Variants in ENPP1 observed in about 807,000 individuals in gnomAD.
ENPP1 encodes the protein ectonucleotide pyrophosphatase/phosphodiesterase family member 1.
ENPP1 carries 73 observed loss-of-function variants against 122.8 expected under a neutral mutation model. That is an observed-to-expected ratio of 0.59 (90% CI 0.49 to 0.72). The LOEUF is 0.72. Among genes scored for constraint, ENPP1 ranks in the 30% least tolerant of loss-of-function variants. The probability of loss-of-function intolerance (pLI) is 0.00; values close to 1 mark genes in which losing one functional copy is unlikely to be tolerated. For missense variants in ENPP1, 978 were observed against 1,128.1 expected (o/e 0.87, Z 1.91); for synonymous variants, 367 against 391.6 (o/e 0.94, Z 0.74).
At chr6:131,817,598 G>T in intron 1 of ENPP1, among the ~76,000 whole-genome samples, 1 of 152,178 alleles carries the variant, frequency 6.6e-6, no homozygotes, top group South Asian at 2.1e-4. Context: ...AAGTGATTTT[G>T]GGATGTGTGG....
At chr6:131,861,783 GAGCTTT>G in intron 9 of ENPP1, 79 bp downstream of exon 9, 1 of 837,332 alleles carries the variant, frequency 1.2e-6, no homozygotes. Flanking sequence ...ATTGAATCCT[GAGCTTT>G]AGCATTTGAG....
At chr6:131,877,866 A>AAAAAATATATAT (rs1562183349) in intron 18 of ENPP1, 2 of 53,022 alleles carry the variant, frequency 3.8e-5, no homozygotes, top group African/African-American at 9.3e-5. Context: ...AAAAAAAAAA[A>AAAAAATATATAT]ATATATATAT....
intron 1 of ENPP1, chr6:131,820,671 A>G (rs1336439066): frequency 1.3e-5 from 2 of 152,242 alleles, no homozygotes; most frequent in Admixed American, 6.5e-5. Context: ...CTACCTCATT[A>G]GTCCAAACCA....
chr6:131,847,675 T>C, intron 1 of ENPP1, 101 bp from the exon 2 acceptor site: 1 of 839,634 alleles, frequency 1.2e-6, no homozygotes, highest in Non-Finnish European at 1.9e-6. Context: ...CACTGTACCC[T>C]AGCCTGGGTA....
intron 1 of ENPP1, chr6:131,828,062 G>A (rs1192361501): frequency 4.8e-5 from 31 of 647,370 alleles, no homozygotes; most frequent in East Asian, 3.2e-4. Flanking sequence ...GGGGAAGAAC[G>A]TTGCAAACCA....
At chr6:131,852,569 A>G (rs1348626844) in intron 5 of ENPP1, among the ~76,000 whole-genome samples, 1 of 152,016 alleles carries the variant, frequency 6.6e-6, no homozygotes, top group Non-Finnish European at 1.5e-5. Flanking sequence ...GGGATGCCCA[A>G]CCTGTATTTT....
intron 1 of ENPP1, among the ~76,000 whole-genome samples, chr6:131,833,008 C>T (rs1781632849): frequency 6.6e-6 from 1 of 152,156 alleles, no homozygotes; most frequent in South Asian, 2.1e-4. Flanking sequence ...TTTGCAATTC[C>T]AAACACTGCT....
intron 1 of ENPP1, among the ~76,000 whole-genome samples, chr6:131,844,978 A>G (rs1781787860): frequency 6.6e-6 from 1 of 151,868 alleles, no homozygotes; most frequent in South Asian, 2.1e-4. Context: ...AGATGAGAAG[A>G]AGGTAAGTAC....
At chr6:131,860,562 G>T in intron 8 of ENPP1, 56 bp downstream of exon 8, 1 of 1,359,300 alleles carries the variant, frequency 7.4e-7, no homozygotes, top group Non-Finnish European at 1.0e-6. Context: ...ATTTCAATCA[G>T]AGTAAAATAA....
chr6:131,862,491 C>T (rs1782037127), intron 9 of ENPP1, among the ~76,000 whole-genome samples: 1 of 152,154 alleles, frequency 6.6e-6, no homozygotes, highest in African/African-American at 2.4e-5. Flanking sequence ...TTTATTATTA[C>T]TCAAATCAGT....
chr6:131,823,164 G>T (rs562414066), intron 1 of ENPP1, among the ~76,000 whole-genome samples: 52 of 152,242 alleles, frequency 3.4e-4, no homozygotes, highest in African/African-American at 1.2e-3. Flanking sequence ...GGTAGTAAGT[G>T]CTATGTGTGT....
At chr6:131,819,952 T>TC in intron 1 of ENPP1, 1 of 566,126 alleles carries the variant, frequency 1.8e-6, no homozygotes, top group Non-Finnish European at 3.3e-6. Context: ...TTTTTTTTTT[T>TC]TCGCATCTTG....
intron 13 of ENPP1, among the ~76,000 whole-genome samples, chr6:131,869,854 TAA>T (rs757712283): frequency 0.02 from 2,005 of 99,054 alleles, 60 homozygotes; most frequent in African/African-American, 0.068. Context: ...AGACTTGGTC[TAA>T]AAAAAAAAAA....
intron 9 of ENPP1, among the ~76,000 whole-genome samples, chr6:131,863,654 C>G (rs776174835): frequency 2.0e-5 from 3 of 151,876 alleles, no homozygotes; most frequent in Non-Finnish European, 4.4e-5. Context: ...GTGGCTCACA[C>G]CTGTAATCCC....
chr6:131,875,605 G>T (rs1048051296), intron 16 of ENPP1, among the ~76,000 whole-genome samples, 171 bp from the exon 17 acceptor site: 2 of 152,170 alleles, frequency 1.3e-5, no homozygotes, highest in Non-Finnish European at 2.9e-5. Context: ...CTTAGATTAT[G>T]TGTGTGATAG....
chr6:131,864,465 A>G lies in ENPP1; in HGVS notation c.1026-41A>G, dbSNP rs370337973. ...AAAAACTATATTTTACACCCAAACA[A>G]TTGTCAGCCATCTTTTATTTTTGTT... On this transcript the variant is annotated intron_variant, in intron 9 of 24. Transcript: ENST00000647893. 9.2e-5 allele frequency: 123 copies of G among 1,336,778 alleles called. No homozygotes were observed. In the African/African-American group the frequency reaches 1.3e-3, roughly 14 times the overall value. The allele number at this position is 1,336,778 out of a possible 1,614,324, so 82.8% of individuals were successfully genotyped here. A position where few individuals can be genotyped will look rare whatever the true frequency, so the allele number is the denominator to read the frequency against.
intron 19 of ENPP1, 51 bp from the exon 20 acceptor site, chr6:131,879,829 A>G (rs754621489): frequency 3.3e-6 from 5 of 1,498,062 alleles, no homozygotes; most frequent in South Asian, 2.3e-5. Context: ...CACACTATAT[A>G]TTATCATATA....
At position 131,874,329 on chromosome 6, in the gene ENPP1, A is replaced by G; in HGVS notation, c.1627A>G (p.Asn543Asp). The G allele has an allele frequency of 6.4e-7, 1 of 1,573,268 alleles. No homozygotes were observed. Among genetic ancestry groups the G allele is most frequent in the Non-Finnish European group, 8.7e-7 (1 of 1,143,960 alleles). The change falls in exon 16 of 25, where the codon AAT (asparagine) becomes GAT (aspartate). Residue 543 changes from asparagine to aspartate, a missense_variant. This residue lies in a region of ENPP1 where 644 missense variants were observed against 781.5 expected (regional missense o/e 0.82). Coordinates refer to ENST00000647893, the MANE Select transcript of ENPP1 (RefSeq NM_006208.3). ...TCATGGCTCTGACAATGTATTTTCAAATATGCAAGTGAGTAAACCTATTAT... is the reference window on the plus strand; with the variant it reads ...TCATGGCTCTGACAATGTATTTTCAGATATGCAAGTGAGTAAACCTATTAT... ...GFHGSDNVFS[N>D]MQALFVGYGP... is the part of the protein sequence containing the mutation.
At position 131,851,093 on chromosome 6, in the gene ENPP1, C is replaced by T. The variant is rs374672923; in HGVS notation, c.431-49C>T. 101 of 1,604,322 alleles carry T rather than the reference C, an allele frequency of 6.3e-5. 1 individual carries two copies. In the Middle Eastern group the frequency reaches 4.9e-3, roughly 77 times the overall value. On this transcript the variant is annotated intron_variant, in intron 3 of 24. Transcript: ENST00000647893. ...ACAGCAATTCTGTGTTCACTTTGGACATGTTGAATTTGAGACATAAAACAC... is the reference window on the plus strand; with the variant it reads ...ACAGCAATTCTGTGTTCACTTTGGATATGTTGAATTTGAGACATAAAACAC...
Sources: gnomAD v4.1 joint callset for allele counts (sites outside exome capture counted in the v4.1 genomes callset) on GRCh38, gnomAD v4.1.1 for gene constraint, gnomAD v4.1.1 regional missense constraint, MANE v1.5 for transcripts, NCBI Gene and HGNC (gene_info 2026-07-23, HGNC 2026-07-21) for gene names.